Variants in RLF observed in about 807,000 individuals in gnomAD.
RLF encodes the protein RLF zinc finger.
A neutral mutation model predicts 162.9 loss-of-function variants in RLF; 7 were observed. That is an observed-to-expected ratio of 0.04 (90% CI 0.02 to 0.08). RLF has a LOEUF of 0.08. RLF is among the 10% of genes least tolerant of loss of function. The pLI, the probability that RLF is intolerant of heterozygous loss-of-function variation, is 1.00. For synonymous variants in RLF, 782 were observed against 791.5 expected (o/e 0.99, Z 0.20); for missense variants, 1,664 against 2,244.7 (o/e 0.74, Z 5.23).
chr1:40,173,343 T>C (rs904391311), intron 1 of RLF, among the ~76,000 whole-genome samples: 3 of 152,134 alleles, frequency 2.0e-5, no homozygotes, highest in Non-Finnish European at 4.4e-5. Context: ...CCCAAAGCTC[T>C]GGGATTACAG....
intron 1 of RLF, among the ~76,000 whole-genome samples, chr1:40,175,015 A>G (rs1001036981): frequency 6.6e-6 from 1 of 152,136 alleles, no homozygotes; most frequent in Non-Finnish European, 1.5e-5. Flanking sequence ...AGACTGGGCA[A>G]CGTAGTGAGA....
In RLF at chr1:40,221,722, A is replaced by G. The variant is rs193200124; in HGVS notation, c.811-852A>G. 4.9e-3 allele frequency among the ~76,000 whole-genome samples: 743 copies of G among 152,030 alleles called. 5 individuals are homozygous for G. The highest frequency in any genetic ancestry group is 0.017 in the African/African-American group (694 of 41,460). ...GAGACCATCCTGGCTAACACAGTGAAACCCCGTCTCTACTAAAAATATAAA... is the reference window on the plus strand; with the variant it reads ...GAGACCATCCTGGCTAACACAGTGAGACCCCGTCTCTACTAAAAATATAAA... On this transcript the variant is annotated intron_variant, in intron 5 of 7. Transcript: ENST00000372771.
chr1:40,193,914 A>G (rs1642594370), intron 3 of RLF, among the ~76,000 whole-genome samples: 1 of 152,188 alleles, frequency 6.6e-6, no homozygotes, highest in Admixed American at 6.5e-5. Flanking sequence ...TTCCAAAGAA[A>G]TGTTGACGTA....
chr1:40,202,645 G>A, intron 5 of RLF, 31 bp downstream of exon 5: 1 of 1,271,814 alleles, frequency 7.9e-7, no homozygotes. Context: ...ATTCAAACTT[G>A]GTATTAATTT....
intron 1 of RLF, among the ~76,000 whole-genome samples, chr1:40,178,635 T>G (rs76254811): frequency 4.7e-5 from 7 of 147,828 alleles, no homozygotes; most frequent in East Asian, 2.0e-4. Flanking sequence ...TTTTTTTGTT[T>G]TTTTTTTTTT....
chr1:40,221,917 A>AAAAAAAAAAAAAAAAAAAAGAGAGAG (rs1486982312), intron 5 of RLF, among the ~76,000 whole-genome samples: 2 of 150,282 alleles, frequency 1.3e-5, no homozygotes, highest in African/African-American at 4.9e-5. Flanking sequence ...AAAAAAAAAA[A>AAAAAAAAAAAAAAAAAAAAGAGAGAG]AGAGAAAGGA....
chr1:40,183,782 T>A (rs558847242), intron 1 of RLF, among the ~76,000 whole-genome samples: 2 of 152,140 alleles, frequency 1.3e-5, no homozygotes, highest in African/African-American at 4.8e-5. Context: ...TGACAGTGGC[T>A]CCTCATTTTT....
rs970917988 is a variant in RLF at position 40,236,448 on chromosome 1, C to T, written c.1746C>T (p.Tyr582=). The T allele has an allele frequency of 4.3e-6, 7 of 1,613,890 alleles. No individual in the cohort carries two copies. The highest frequency in any genetic ancestry group is 4.0e-5 in the African/African-American group (3 of 74,876). The change falls in exon 8 of 8, where the codon TAC becomes TAT. Residue 582 remains tyrosine, a synonymous_variant. Coordinates refer to ENST00000372771, the MANE Select transcript of RLF (RefSeq NM_012421.4). This position sits in a 1 kb window ranked among gnomAD's most constrained non-coding sequence, Gnocchi z 7.7. ...AGATGCATATGGAAGATGGAATTTA[C>T]ACCTGTCCAGTTTGTATTAAAAAAT... ...HSKMHMEDGI[Y]TCPVCIKKFK...
intron 5 of RLF, among the ~76,000 whole-genome samples, chr1:40,215,233 A>G (rs1027259343): frequency 6.6e-6 from 1 of 152,196 alleles, no homozygotes; most frequent in Non-Finnish European, 1.5e-5. Flanking sequence ...TGGGTAGAAC[A>G]ACTAGGCAAC....
chr1:40,166,389 C>G (rs1642165867), intron 1 of RLF, among the ~76,000 whole-genome samples: 1 of 152,016 alleles, frequency 6.6e-6, no homozygotes, highest in Non-Finnish European at 1.5e-5. Context: ...CACTTTTACA[C>G]TGTTGGTGGG....
chr1:40,216,330 AAAAAC>A (rs1642923512), intron 5 of RLF, among the ~76,000 whole-genome samples: 1 of 152,124 alleles, frequency 6.6e-6, no homozygotes. Flanking sequence ...TAAAAATACA[AAAAAC>A]AAATCAGCTG....
intron 1 of RLF, among the ~76,000 whole-genome samples, chr1:40,182,753 G>GTAGGTAGGTAGATAGATAGA (rs144667492): frequency 8.3e-4 from 123 of 148,874 alleles, no homozygotes; most frequent in African/African-American, 2.9e-3. Flanking sequence ...AGATAGATAG[G>GTAGGTAGGTAGATAGATAGA]TAGATAGATA....
intron 5 of RLF, among the ~76,000 whole-genome samples, chr1:40,217,009 A>G (rs935818938): frequency 2.6e-5 from 4 of 152,112 alleles, no homozygotes; most frequent in African/African-American, 9.7e-5. Flanking sequence ...AGATCGTGCC[A>G]CTGCACTCCA....
intron 6 of RLF, among the ~76,000 whole-genome samples, chr1:40,230,353 A>G (rs1643136931): frequency 6.6e-6 from 1 of 152,190 alleles, no homozygotes; most frequent in Non-Finnish European, 1.5e-5. Flanking sequence ...AAATTATTTA[A>G]TCAGTATCCA....
chr1:40,163,319 TG>T (rs1477266449), intron 1 of RLF, among the ~76,000 whole-genome samples: 1 of 151,946 alleles, frequency 6.6e-6, no homozygotes, highest in East Asian at 1.9e-4. Context: ...GGGAAACTAA[TG>T]GAAGGAGAGG....
At chr1:40,226,305 T>C (rs1162580583) in intron 6 of RLF, among the ~76,000 whole-genome samples, 32 of 152,170 alleles carry the variant, frequency 2.1e-4, no homozygotes, top group Admixed American at 1.8e-3. Flanking sequence ...GGAATAGTCA[T>C]GCATTTGAAA....
At chr1:40,169,923 C>T (rs1309215093) in intron 1 of RLF, among the ~76,000 whole-genome samples, 9 of 152,022 alleles carry the variant, frequency 5.9e-5, no homozygotes, top group Non-Finnish European at 8.8e-5. Context: ...CTCCTGACCT[C>T]AGGTGATCCA....
At chr1:40,212,535 C>G (rs1382413367) in intron 5 of RLF, among the ~76,000 whole-genome samples, 1 of 152,106 alleles carries the variant, frequency 6.6e-6, no homozygotes, top group Non-Finnish European at 1.5e-5. Context: ...TTGCAAAGAT[C>G]AGGTTTTCAA....
At chr1:40,203,613 T>G (rs1314819104) in intron 5 of RLF, among the ~76,000 whole-genome samples, 1 of 152,074 alleles carries the variant, frequency 6.6e-6, no homozygotes, top group Non-Finnish European at 1.5e-5. Context: ...TTATTATGTT[T>G]CTTAAATTTG....
Sources: allele counts gnomAD v4.1 joint callset (sites outside exome capture counted in the v4.1 genomes callset), GRCh38; gene constraint gnomAD v4.1.1; non-coding constraint Gnocchi (gnomAD v3.1); transcripts MANE v1.5; gene names NCBI Gene and HGNC (gene_info 2026-07-23, HGNC 2026-07-21).